Variants in GNAI1 observed in about 807,000 individuals in gnomAD.
The protein encoded by GNAI1 is guanine nucleotide-binding protein G(i) subunit alpha-1.
A neutral mutation model predicts 38.9 loss-of-function variants in GNAI1; 11 were observed. The observed-to-expected ratio is 0.28, with a 90% CI of 0.18 to 0.47. GNAI1 has a LOEUF of 0.47. Among genes scored for constraint, GNAI1 ranks in the 20% least tolerant of loss-of-function variants. The pLI is 0.99. For synonymous variants in GNAI1, 166 were observed against 145.1 expected (o/e 1.14, Z -1.04); for missense variants, 317 against 436.9 (o/e 0.73, Z 2.45).
chr7:80,154,315 T>C (rs1479822565), intron 1 of GNAI1, among the ~76,000 whole-genome samples: 3 of 152,246 alleles, frequency 2.0e-5, no homozygotes, highest in Non-Finnish European at 4.4e-5. Flanking sequence ...AGTTCTCACT[T>C]GTAAACATTT....
chr7:80,200,850 C>T (rs890233809), intron 4 of GNAI1, among the ~76,000 whole-genome samples: 1 of 152,132 alleles, frequency 6.6e-6, no homozygotes, highest in African/African-American at 2.4e-5. Context: ...CCCATCTCTC[C>T]AACTGGTATC....
intron 1 of GNAI1, among the ~76,000 whole-genome samples, chr7:80,153,926 A>ATTAT (rs568787719): frequency 6.6e-6 from 1 of 151,958 alleles, no homozygotes. Flanking sequence ...AAATTAATTA[A>ATTAT]TTATTTATTT....
At chr7:80,137,119 A>G (rs1385584311) in intron 1 of GNAI1, among the ~76,000 whole-genome samples, 1 of 152,032 alleles carries the variant, frequency 6.6e-6, no homozygotes, top group Non-Finnish European at 1.5e-5. Context: ...TGGGGGCAAA[A>G]TACAGCGTTA....
At chr7:80,166,564 A>G (rs757626136) in intron 1 of GNAI1, among the ~76,000 whole-genome samples, 8 of 152,184 alleles carry the variant, frequency 5.3e-5, no homozygotes, top group Non-Finnish European at 1.2e-4. Context: ...CCATTTACAT[A>G]CTGATATTAA....
intron 1 of GNAI1, chr7:80,135,673 C>T (rs1032146226): frequency 7.0e-6 from 2 of 287,724 alleles, no homozygotes; most frequent in Non-Finnish European, 1.0e-5. Flanking sequence ...CCACCAACCC[C>T]CTCCCGGAAA....
In GNAI1 at chr7:80,221,636, C is replaced by CTTTTTTTTTTTT. The variant is rs71518978; in HGVS notation, c.*4157_*4168dup. Among the ~76,000 whole-genome samples, 3 of 94,362 alleles carry CTTTTTTTTTTTT rather than the reference C, an allele frequency of 3.2e-5. No homozygotes were observed. Among genetic ancestry groups the CTTTTTTTTTTTT allele is most frequent in the African/African-American group, 4.1e-5 (1 of 24,278 alleles). The allele number at this position is 94,362 out of a possible 152,430, so 61.9% of individuals were successfully genotyped here. A position where few individuals can be genotyped will look rare whatever the true frequency, so the allele number is the denominator to read the frequency against. ...ATTTTAATGTTAGGTTGGAAATTTT[C>CTTTTTTTTTTTT]TTTTTTTTTTTTTTTTTTTTTTTTT... On this transcript the variant is annotated 3_prime_UTR_variant, in exon 8 of 8. Coordinates refer to ENST00000649796, the MANE Select transcript of GNAI1 (RefSeq NM_002069.6).
intron 1 of GNAI1, among the ~76,000 whole-genome samples, chr7:80,154,768 A>G (rs1040769974): frequency 5.3e-5 from 8 of 152,198 alleles, no homozygotes; most frequent in Admixed American, 1.3e-4. Flanking sequence ...TTTCTTGAAA[A>G]TGGTATTTAC....
Position 80,224,425 on chromosome 7 carries a change from T to A in GNAI1, c.*6932T>A, listed in dbSNP as rs1789126782. Among the ~76,000 whole-genome samples, 1 of 152,072 alleles carries A rather than the reference T, an allele frequency of 6.6e-6. No homozygotes were observed. The highest frequency in any genetic ancestry group is 1.5e-5 in the Non-Finnish European group (1 of 68,012). On this transcript the variant is annotated 3_prime_UTR_variant, in exon 8 of 8. Transcript: ENST00000649796. Reference sequence around the variant, plus strand: ...CCATATCTTCAAAATCCAGTGTCATTTCTTAGCCATATCTTCAAAATCCAG... The same window carrying A: ...CCATATCTTCAAAATCCAGTGTCATATCTTAGCCATATCTTCAAAATCCAG...
chr7:80,149,863 CTAAAG>C (rs967128150), intron 1 of GNAI1, among the ~76,000 whole-genome samples: 25 of 151,876 alleles, frequency 1.6e-4, no homozygotes, highest in Admixed American at 3.9e-4. Context: ...GATATACAAA[CTAAAG>C]TAGAGAAGAA....
Position 80,189,149 on chromosome 7 carries a change from A to T in GNAI1, c.221A>T (p.Tyr74Phe). 1 of 1,606,962 alleles carries T rather than the reference A, an allele frequency of 6.2e-7. No individual in the cohort carries two copies. Residue 74 changes from tyrosine (Y) to phenylalanine (F), a missense_variant, in exon 3 of 8, where the codon TAC (tyrosine) becomes TTC (phenylalanine). This residue lies in a region of GNAI1 where 40 missense variants were observed against 78.0 expected (regional missense o/e 0.51). Coordinates refer to ENST00000649796, the MANE Select transcript of GNAI1 (RefSeq NM_002069.6). Reference protein sequence around the residue: ...EECKQYKAVVYSNTIQSIIAI... With the variant: ...EECKQYKAVVFSNTIQSIIAI... ...TGTAAACAATACAAAGCAGTGGTCT[A>T]CAGTAACACCATCCAGTCAATTATT...
At chr7:80,177,776 A>C (rs1788215311) in intron 1 of GNAI1, among the ~76,000 whole-genome samples, 1 of 152,138 alleles carries the variant, frequency 6.6e-6, no homozygotes, top group Admixed American at 6.5e-5. Flanking sequence ...GCCCAGCCTA[A>C]TGTTGTTTTT....
intron 1 of GNAI1, among the ~76,000 whole-genome samples, chr7:80,145,126 G>T (rs1038499954): frequency 6.6e-6 from 1 of 152,094 alleles, no homozygotes; most frequent in Admixed American, 6.5e-5. Flanking sequence ...GTCATGCCTA[G>T]CTTTAAAAGT....
chr7:80,154,345 A>G (rs1409631420), intron 1 of GNAI1, among the ~76,000 whole-genome samples: 2 of 152,148 alleles, frequency 1.3e-5, no homozygotes, highest in African/African-American at 4.8e-5. Flanking sequence ...TGTATTTTTA[A>G]GCTTCTGTGT....
At chr7:80,174,728 T>A (rs1357515742) in intron 1 of GNAI1, among the ~76,000 whole-genome samples, 1 of 152,156 alleles carries the variant, frequency 6.6e-6, no homozygotes, top group Non-Finnish European at 1.5e-5. Context: ...GGCTCTTGGA[T>A]CGCATAAACC....
Position 80,222,561 on chromosome 7 carries a change from A to G in GNAI1, c.*5068A>G, listed in dbSNP as rs1250902331. Among the ~76,000 whole-genome samples, 1 of 151,766 alleles carries G rather than the reference A, an allele frequency of 6.6e-6. No individual in the cohort carries two copies. The highest frequency in any genetic ancestry group is 1.9e-4 in the East Asian group (1 of 5,144). ...CGACACTACACCCAACTAATCTTGT[A>G]TTTTTAGTAGAGACGGGGTTTCTCC... On this transcript the variant is annotated 3_prime_UTR_variant, in exon 8 of 8. Transcript: ENST00000649796.
chr7:80,197,106 C>G (rs967652827), intron 3 of GNAI1, among the ~76,000 whole-genome samples: 3 of 151,682 alleles, frequency 2.0e-5, no homozygotes, highest in Non-Finnish European at 4.4e-5. Context: ...TCTCCTCCCC[C>G]ACCCCATAAC....
intron 1 of GNAI1, 41 bp downstream of exon 1, chr7:80,135,319 C>G (rs910815993): frequency 1.4e-5 from 17 of 1,184,346 alleles, no homozygotes; most frequent in African/African-American, 4.8e-5. Flanking sequence ...CGGCGGGGGA[C>G]CGGGTGCGGC....
At chr7:80,189,808 A>G (rs1453102373) in intron 3 of GNAI1, among the ~76,000 whole-genome samples, 2 of 152,136 alleles carry the variant, frequency 1.3e-5, no homozygotes, top group African/African-American at 4.8e-5. Context: ...CACCCAGGAA[A>G]TTACATGGTA....
At chr7:80,181,758 C>T (rs975871348) in intron 1 of GNAI1, among the ~76,000 whole-genome samples, 1 of 152,046 alleles carries the variant, frequency 6.6e-6, no homozygotes, top group Non-Finnish European at 1.5e-5. Flanking sequence ...GGGGTTGCCT[C>T]CTTTGATACA....
Sources: allele counts gnomAD v4.1 joint callset (sites outside exome capture counted in the v4.1 genomes callset), GRCh38; gene constraint gnomAD v4.1.1; regional missense constraint gnomAD v4.1.1; transcripts MANE v1.5; gene names NCBI Gene and HGNC (gene_info 2026-07-23, HGNC 2026-07-21).